The following MBD5 variants were observed in gnomAD, a reference collection of about 807,000 sequenced individuals.
The protein encoded by MBD5 is methyl-CpG binding domain protein 5.
Under a neutral mutation model 117.3 loss-of-function variants are expected in MBD5, and 13 were observed. The observed-to-expected ratio is 0.11, with a 90% CI of 0.07 to 0.18. MBD5 has a LOEUF of 0.18. MBD5 is among the 10% of genes least tolerant of loss of function. MBD5 has a pLI of 1.00. For synonymous variants in MBD5, 727 were observed against 766.4 expected (o/e 0.95, Z 0.85); for missense variants, 1,879 against 2,093.8 (o/e 0.90, Z 2.00).
chr2:148,491,112 C>T (rs1681512015), intron 11 of MBD5, among the ~76,000 whole-genome samples: 1 of 151,118 alleles, frequency 6.6e-6, no homozygotes, highest in Admixed American at 6.6e-5. Context: ...CTGGAAGCAG[C>T]AGGTAAAGTC....
At chr2:148,287,202 G>A (rs1446460530) in intron 3 of MBD5, among the ~76,000 whole-genome samples, 1 of 152,078 alleles carries the variant, frequency 6.6e-6, no homozygotes, top group Non-Finnish European at 1.5e-5. Context: ...TATTTGTGAT[G>A]TGAGTAGTGT....
At chr2:148,260,101 G>A (rs1307558074) in intron 3 of MBD5, among the ~76,000 whole-genome samples, 2 of 152,126 alleles carry the variant, frequency 1.3e-5, no homozygotes. Flanking sequence ...CACATTGGTC[G>A]ACTCTTCCCT....
At position 148,028,590 on chromosome 2, in the gene MBD5, G is replaced by A. The variant is rs546344076; in HGVS notation, c.-925+6906G>A. ...AATCCATACATTCTTAATATTATTA[G>A]GATCTAAAAATAATAATTTAGACTG... On this transcript the variant is annotated intron_variant, in intron 1 of 13. Coordinates refer to ENST00000642680, the MANE Select transcript of MBD5 (RefSeq NM_001378120.1). The A allele has an allele frequency of 9.2e-5, 14 of 151,928 alleles. No individual in the cohort carries two copies. The South Asian group carries it at 1.9e-3, about 20-fold the overall frequency. The allele number at this position is 151,928 out of a possible 1,614,324, so 9.4% of individuals were successfully genotyped here. A position where few individuals can be genotyped will look rare whatever the true frequency, so the allele number is the denominator to read the frequency against.
intron 1 of MBD5, chr2:148,044,534 A>G (rs1344633650): frequency 1.3e-5 from 2 of 152,188 alleles, no homozygotes; most frequent in Non-Finnish European, 2.9e-5. Context: ...ACCAGGTAAA[A>G]TAATGTAGAT....
At chr2:148,188,575 G>A (rs916749106) in intron 2 of MBD5, among the ~76,000 whole-genome samples, 8 of 151,414 alleles carry the variant, frequency 5.3e-5, no homozygotes, top group Admixed American at 3.9e-4. Flanking sequence ...AGTCTCAGAG[G>A]CTGAGGCTGA....
At position 148,021,372 on chromosome 2, in the gene MBD5, C is replaced by T; in HGVS notation, c.-1237C>T. ...ACCCCCTCACCCCTCCAACTCGCCT[C>T]CCTCCCTCCACCCTCCTCCTCTTTG... On this transcript the variant is annotated 5_prime_UTR_variant, in exon 1 of 14. Transcript: ENST00000642680. 2.2e-6 allele frequency: 1 copy of T among 444,622 alleles called. No individual in the cohort carries two copies. Among genetic ancestry groups the T allele is most frequent in the Non-Finnish European group, 4.5e-6 (1 of 221,520 alleles). 27.5% of individuals were successfully genotyped at this position (444,622 alleles called of 1,614,324 possible). A position where few individuals can be genotyped will look rare whatever the true frequency, so the allele number is the denominator to read the frequency against.
chr2:148,173,605 C>G (rs1325465455), intron 1 of MBD5, among the ~76,000 whole-genome samples: 1 of 152,174 alleles, frequency 6.6e-6, no homozygotes, highest in Non-Finnish European at 1.5e-5. Context: ...GGCAAAGTGA[C>G]ACCCCAAGGA....
intron 1 of MBD5, among the ~76,000 whole-genome samples, chr2:148,107,612 G>C (rs1696403603): frequency 6.6e-6 from 1 of 151,746 alleles, no homozygotes; most frequent in Non-Finnish European, 1.5e-5. Flanking sequence ...TGAAGTTGCT[G>C]TTTAACTTAT....
intron 1 of MBD5, among the ~76,000 whole-genome samples, chr2:148,036,407 A>G (rs1156919602): frequency 6.6e-6 from 1 of 152,140 alleles, no homozygotes; most frequent in East Asian, 1.9e-4. Context: ...ATGTAAAGAT[A>G]TGTTCTTCTG....
At chr2:148,138,915 G>A (rs1268720098) in intron 1 of MBD5, among the ~76,000 whole-genome samples, 1 of 152,170 alleles carries the variant, frequency 6.6e-6, no homozygotes, top group African/African-American at 2.4e-5. Context: ...CAAGGCAACA[G>A]TTCAAATATA....
At chr2:148,427,476 C>T (rs1705836627) in intron 4 of MBD5, among the ~76,000 whole-genome samples, 2 of 152,112 alleles carry the variant, frequency 1.3e-5, no homozygotes. Flanking sequence ...ATGATGAGTT[C>T]ATGTCCTTTG....
chr2:148,267,938 CTTTTCTTTT>C (rs1700895102), intron 3 of MBD5, among the ~76,000 whole-genome samples: 3 of 146,318 alleles, frequency 2.1e-5, no homozygotes, highest in South Asian at 2.2e-4. Flanking sequence ...CTCTCGCTCT[CTTTTCTTTT>C]TTTTCTTTTT....
At chr2:148,240,440 G>A (rs1355023532) in intron 3 of MBD5, among the ~76,000 whole-genome samples, 7 of 151,974 alleles carry the variant, frequency 4.6e-5, no homozygotes, top group Admixed American at 4.6e-4. Context: ...AAAAGAAATG[G>A]GGTCTTGCCA....
Position 148,357,241 on chromosome 2 carries a change from A to T in MBD5, c.-557+14905A>T, listed in dbSNP as rs1428018985. ...TTTATAATAGTCTTCACAATTCATC[A>T]TGTTGAAAGTTATAGAAAAGGCACA... On this transcript the variant is annotated intron_variant, in intron 4 of 13. Transcript: ENST00000642680. Among the ~76,000 whole-genome samples, 4 of 152,308 alleles carry T rather than the reference A, an allele frequency of 2.6e-5. No homozygotes were observed. In the South Asian group the frequency reaches 8.3e-4, roughly 32 times the overall value.
intron 1 of MBD5, chr2:148,026,620 C>G (rs944994559): frequency 6.6e-6 from 1 of 152,014 alleles, no homozygotes; most frequent in Non-Finnish European, 1.5e-5. Context: ...GGGACCTTGT[C>G]TCTAAAAATA....
chr2:148,362,149 C>T (rs1273369222), intron 4 of MBD5, among the ~76,000 whole-genome samples: 1 of 152,168 alleles, frequency 6.6e-6, no homozygotes, highest in African/African-American at 2.4e-5. Flanking sequence ...CATTCACTCT[C>T]CTGGAAAGGG....
chr2:148,177,860 C>T (rs1698427574), intron 1 of MBD5, among the ~76,000 whole-genome samples: 1 of 152,052 alleles, frequency 6.6e-6, no homozygotes, highest in Non-Finnish European at 1.5e-5. Context: ...ATTGCTAATC[C>T]AAAAATCATT....
chr2:148,354,259 C>G (rs532084156), intron 4 of MBD5, among the ~76,000 whole-genome samples: 1 of 152,044 alleles, frequency 6.6e-6, no homozygotes, highest in Non-Finnish European at 1.5e-5. Flanking sequence ...CTCTCCCTCC[C>G]CTTGCCCTCC....
At chr2:148,427,547 C>A (rs988568890) in intron 4 of MBD5, among the ~76,000 whole-genome samples, 6 of 151,998 alleles carry the variant, frequency 3.9e-5, no homozygotes, top group African/African-American at 9.7e-5. Flanking sequence ...GGACAAAAAA[C>A]CAAACACTGC....
Sources: allele counts gnomAD v4.1 joint callset (sites outside exome capture counted in the v4.1 genomes callset), GRCh38; gene constraint gnomAD v4.1.1; transcripts MANE v1.5; gene names NCBI Gene and HGNC (gene_info 2026-07-23, HGNC 2026-07-21).